Variants in TAFA1 observed in about 807,000 individuals in gnomAD.
TAFA1 encodes TAFA chemokine like family member 1.
TAFA1 carries 4 observed loss-of-function variants against 18.5 expected under a neutral mutation model. The observed-to-expected ratio is 0.22, with a 90% CI of 0.11 to 0.49. TAFA1 has a LOEUF of 0.49. Among genes scored for constraint, TAFA1 ranks in the 20% least tolerant of loss-of-function variants. The pLI is 0.98. For synonymous variants in TAFA1, 56 were observed against 55.2 expected (o/e 1.01, Z -0.06); for missense variants, 147 against 169.0 (o/e 0.87, Z 0.72).
chr3:68,377,050 G>A (rs1196664235), intron 2 of TAFA1, among the ~76,000 whole-genome samples: 1 of 152,140 alleles, frequency 6.6e-6, no homozygotes, highest in Admixed American at 6.5e-5. Flanking sequence ...AAGCCATATG[G>A]AACTGTGAGT....
At chr3:68,536,530 G>T (rs143258785) in intron 3 of TAFA1, among the ~76,000 whole-genome samples, 2 of 152,258 alleles carry the variant, frequency 1.3e-5, no homozygotes, top group African/African-American at 4.8e-5. Flanking sequence ...CAAACACCTG[G>T]CTGACATTTT....
chr3:68,150,398 C>T (rs1160918900), intron 2 of TAFA1, among the ~76,000 whole-genome samples: 2 of 152,166 alleles, frequency 1.3e-5, no homozygotes, highest in South Asian at 2.1e-4. Context: ...CAGCCATTGA[C>T]TTAAATCATT....
intron 3 of TAFA1, among the ~76,000 whole-genome samples, chr3:68,459,353 G>A (rs896093770): frequency 1.3e-5 from 2 of 152,222 alleles, no homozygotes; most frequent in South Asian, 4.1e-4. Context: ...AACATTAAGA[G>A]CACTTGAAGT....
chr3:68,449,632 A>G (rs1413621752), intron 3 of TAFA1, among the ~76,000 whole-genome samples: 1 of 152,210 alleles, frequency 6.6e-6, no homozygotes, highest in African/African-American at 2.4e-5. Context: ...CTCTGAGTCC[A>G]TATTGCACAT....
rs577617997 is a variant in TAFA1 at position 68,222,873 on chromosome 3, A to G, written c.119-194407A>G. 2.0e-5 allele frequency among the ~76,000 whole-genome samples: 3 copies of G among 152,150 alleles called. No homozygotes were observed. The East Asian group carries it at 5.8e-4, about 29-fold the overall frequency. ...TTTTTAGTAGAGATGGGGTTTTACC[A>G]TCTTGGCCAGGCTGGTCTCGAACTC... is the stretch of plus-strand genomic sequence containing the variant. On this transcript the variant is annotated intron_variant, in intron 2 of 4. Transcript: ENST00000478136.
chr3:68,229,079 G>A (rs1451264411), intron 2 of TAFA1, among the ~76,000 whole-genome samples: 2 of 152,124 alleles, frequency 1.3e-5, no homozygotes, highest in African/African-American at 4.8e-5. Flanking sequence ...AAAACAGGAG[G>A]CTTCACTTTC....
intron 2 of TAFA1, among the ~76,000 whole-genome samples, chr3:68,250,031 A>G (rs555895818): frequency 1.3e-5 from 2 of 152,298 alleles, no homozygotes; most frequent in African/African-American, 4.8e-5. Flanking sequence ...ACGTATATTG[A>G]GACTAATTTA....
At chr3:68,138,339 G>A (rs1360390523) in intron 2 of TAFA1, among the ~76,000 whole-genome samples, 1 of 152,166 alleles carries the variant, frequency 6.6e-6, no homozygotes, top group East Asian at 1.9e-4. Flanking sequence ...TTGACATGGT[G>A]TAGCAACAAG....
In TAFA1 at chr3:68,007,339, GT is replaced by G. The variant is rs536741659; in HGVS notation, c.118+600del. On this transcript the variant is annotated intron_variant, in intron 2 of 4. Coordinates refer to ENST00000478136, the MANE Select transcript of TAFA1 (RefSeq NM_213609.4). ...CCTGATTTTTGTTTTGTTTTGTTTT[GT>G]TTTTCCTATATTGAATTTTTAGTTC... Among the ~76,000 whole-genome samples, 45 of 151,886 alleles carry G rather than the reference GT, an allele frequency of 3.0e-4. No homozygotes were observed. The East Asian group carries it at 8.5e-3, about 29-fold the overall frequency.
At chr3:68,456,716 G>T (rs2071672737) in intron 3 of TAFA1, among the ~76,000 whole-genome samples, 1 of 152,130 alleles carries the variant, frequency 6.6e-6, no homozygotes, top group African/African-American at 2.4e-5. Context: ...GATATGAAAA[G>T]GTATCTTGCA....
intron 4 of TAFA1, among the ~76,000 whole-genome samples, chr3:68,541,252 G>A (rs952778857): frequency 5.3e-5 from 8 of 152,066 alleles, no homozygotes; most frequent in African/African-American, 1.2e-4. Flanking sequence ...ACTGACATAC[G>A]TCCTCCCTCC....
At chr3:68,371,929 G>T (rs1325432048) in intron 2 of TAFA1, among the ~76,000 whole-genome samples, 2 of 152,124 alleles carry the variant, frequency 1.3e-5, no homozygotes, top group Admixed American at 1.3e-4. Flanking sequence ...TGCTCAACCT[G>T]ATATTTTTCA....
chr3:68,544,483 C>G lies in TAFA1; in HGVS notation c.385-3C>G, dbSNP rs1400263076. The G allele has an allele frequency of 6.2e-7, 1 of 1,612,296 alleles. No individual in the cohort carries two copies. The highest frequency in any genetic ancestry group is 1.3e-5 in the African/African-American group (1 of 74,968). On this transcript the variant is annotated splice_region_variant and splice_polypyrimidine_tract_variant and intron_variant, in intron 4 of 4. Transcript: ENST00000478136. ...TGAAATGTCTGTCTTTCTTTGGTTT[C>G]AGATTCACCCAAGAACCTAACAGAA...
chr3:68,217,074 T>C (rs1031179635), intron 2 of TAFA1, among the ~76,000 whole-genome samples: 4 of 152,036 alleles, frequency 2.6e-5, no homozygotes, highest in Non-Finnish European at 4.4e-5. Context: ...GTGTAAAGGA[T>C]GGAAAAGTGA....
chr3:68,048,532 A>G (rs1235984107), intron 2 of TAFA1, among the ~76,000 whole-genome samples: 1 of 152,084 alleles, frequency 6.6e-6, no homozygotes, highest in Non-Finnish European at 1.5e-5. Flanking sequence ...TGTACTATCA[A>G]ACACTAGATC....
intron 2 of TAFA1, among the ~76,000 whole-genome samples, chr3:68,119,507 A>C (rs1254422658): frequency 1.3e-5 from 2 of 151,996 alleles, no homozygotes; most frequent in Non-Finnish European, 2.9e-5. Flanking sequence ...TAAGCTTTTA[A>C]GTTTAGGTCT....
At chr3:68,512,828 T>A (rs1180871066) in intron 3 of TAFA1, among the ~76,000 whole-genome samples, 1 of 152,154 alleles carries the variant, frequency 6.6e-6, no homozygotes, top group Non-Finnish European at 1.5e-5. Context: ...CTTGATTACG[T>A]TGTTACATGA....
chr3:68,209,093 G>C (rs1274551810), intron 2 of TAFA1, among the ~76,000 whole-genome samples: 1 of 151,906 alleles, frequency 6.6e-6, no homozygotes, highest in Non-Finnish European at 1.5e-5. Context: ...GGGATGATTG[G>C]CCATACAACT....
intron 2 of TAFA1, among the ~76,000 whole-genome samples, chr3:68,241,919 A>G (rs2067005624): frequency 6.6e-6 from 1 of 152,210 alleles, no homozygotes; most frequent in Non-Finnish European, 1.5e-5. Flanking sequence ...AAAATCTTGA[A>G]GTTTTGCAAA....
Sources: allele counts gnomAD v4.1 joint callset (sites outside exome capture counted in the v4.1 genomes callset), GRCh38; gene constraint gnomAD v4.1.1; transcripts MANE v1.5; gene names NCBI Gene and HGNC (gene_info 2026-07-23, HGNC 2026-07-21).